The following SYNE1 variants were observed in gnomAD, a reference collection of about 807,000 sequenced individuals.
The protein encoded by SYNE1 is spectrin repeat containing nuclear envelope protein 1, also known as nesprin-1.
In SYNE1, 616 loss-of-function variants were observed where a neutral mutation model predicts 1,111.0. The observed-to-expected ratio is 0.55, with a 90% CI of 0.52 to 0.59. SYNE1 has a LOEUF of 0.59. Ranked by LOEUF, SYNE1 falls within the 20% of genes least tolerant of loss-of-function variation. The pLI is 0.00. For missense variants in SYNE1, 10,006 were observed against 10,417.0 expected, an observed-to-expected ratio of 0.96 and a Z score of 1.72; for synonymous variants, 3,855 against 3,825.8, an observed-to-expected ratio of 1.01 and a Z score of -0.28.
chr6:152,442,018 C>G, intron 31 of SYNE1, 57 bp downstream of exon 31: 2 of 1,605,078 alleles, frequency 1.2e-6, no homozygotes. Context: ...TGAGGCACAA[C>G]CGGAAGTGAA....
chr6:152,310,920 G>T lies in SYNE1; in HGVS notation c.16711-47C>A, dbSNP rs146205709. 8 of 1,576,136 alleles carry T rather than the reference G, an allele frequency of 5.1e-6. No homozygotes were observed. In the African/African-American group the frequency reaches 9.4e-5, roughly 19 times the overall value. On this transcript the variant is annotated intron_variant, in intron 87 of 145. Coordinates refer to ENST00000367255, the MANE Select transcript of SYNE1 (RefSeq NM_182961.4). ...CATGACATTGACGGGCAGGTAGAGGGATATAGATATTCAATATAGCTTGGC... is the reference window on the plus strand; with the variant it reads ...CATGACATTGACGGGCAGGTAGAGGTATATAGATATTCAATATAGCTTGGC...
chr6:152,463,244 C>A (rs983264215), intron 19 of SYNE1, 109 bp downstream of exon 19: 23 of 1,480,870 alleles, frequency 1.6e-5, no homozygotes, highest in Non-Finnish European at 2.2e-5. Context: ...CATATCTATG[C>A]TTTGCCTTAA....
rs772585776 is a variant in SYNE1 at position 152,284,152 on chromosome 6, G to A, written c.18033C>T (p.Leu6011=). The change falls in exon 96 of 146, where the codon CTC becomes CTT. Residue 6011 remains leucine (L), a synonymous_variant. Coordinates refer to ENST00000367255, the MANE Select transcript of SYNE1 (RefSeq NM_182961.4). ...AEHQALMDEI[L]MLQDEINELQ... ...GCTCATTGATTTCATCCTGGAGCAT[G>A]AGAATCTCATCCATCAATGCCTGGA... The A allele has an allele frequency of 1.2e-6, 2 of 1,614,148 alleles. No individual in the cohort carries two copies. The highest frequency in any genetic ancestry group is 1.7e-6 in the Non-Finnish European group (2 of 1,180,042).
intron 56 of SYNE1, among the ~76,000 whole-genome samples, chr6:152,378,347 C>T (rs1392534816): frequency 6.6e-6 from 1 of 152,140 alleles, no homozygotes; most frequent in African/African-American, 2.4e-5. Flanking sequence ...ACAAACCAGC[C>T]CTGTGCTTCA....
chr6:152,184,437 CA>C (rs199660419), intron 128 of SYNE1, among the ~76,000 whole-genome samples: 77,341 of 104,146 alleles, frequency 0.74, 27,605 homozygotes, highest in Middle Eastern at 0.89. Context: ...AACTCTGTTT[CA>C]AAAAAAAAAA....
intron 131 of SYNE1, among the ~76,000 whole-genome samples, chr6:152,163,216 G>A (rs931545277): frequency 1.3e-5 from 2 of 152,122 alleles, no homozygotes; most frequent in Non-Finnish European, 2.9e-5. Flanking sequence ...TAAATGAGGG[G>A]GCCTGGCACA....
chr6:152,331,148 G>C lies in SYNE1; in HGVS notation c.13537C>G (p.Leu4513Val), dbSNP rs762542391. 55 of 1,614,076 alleles carry C rather than the reference G, an allele frequency of 3.4e-5. No individual in the cohort carries two copies. The highest frequency in any genetic ancestry group is 4.6e-5 in the Non-Finnish European group (54 of 1,180,036). ...LKTYQNEVTG[L>V]WAQGRELMKE... Reference sequence around the variant, plus strand: ...ATTAGTTCGCGACCCTGGGCCCAAAGTCCAGTGACTTCATTTTGGTAAGTC... The same window carrying C: ...ATTAGTTCGCGACCCTGGGCCCAAACTCCAGTGACTTCATTTTGGTAAGTC... The change falls in exon 78 of 146, where the codon CTT (leucine) becomes GTT (valine). Residue 4513 changes from leucine (L) to valine (V), a missense_variant. Around this residue, in one of 7 missense-constraint regions of SYNE1, gnomAD observed 4,955 missense variants for 5,017.2 expected, o/e 0.99. Transcript: ENST00000367255.
At chr6:152,249,321 T>C in intron 104 of SYNE1, 59 bp from the exon 105 acceptor site, 1 of 928,444 alleles carries the variant, frequency 1.1e-6, no homozygotes, top group South Asian at 1.3e-5. Context: ...AAAATACTTG[T>C]AAATATAACA....
chr6:152,330,859 A>G lies in SYNE1; in HGVS notation c.13826T>C (p.Leu4609Pro). The change falls in exon 78 of 146, where the codon CTT becomes CCT. Residue 4609 changes from leucine (L) to proline (P), a missense_variant. By Grantham distance (98) the Leu-to-Pro change is moderately conservative. Transcript: ENST00000367255. ...HTQLAKYQNI[L>P]EQSPEYENLL... ...ATTTTCATATTCTGGAGATTGTTCA[A>G]GAATGTTTTGGTATTTAGCCAGTTG... is the stretch of plus-strand genomic sequence containing the variant. 6.2e-7 allele frequency: 1 copy of G among 1,614,200 alleles called. No individual in the cohort carries two copies. The highest frequency in any genetic ancestry group is 8.5e-7 in the Non-Finnish European group (1 of 1,180,046).
chr6:152,312,200 T>C lies in SYNE1; in HGVS notation c.16711-1327A>G, dbSNP rs577238275. 2.1e-5 allele frequency among the ~76,000 whole-genome samples: 3 copies of C among 140,644 alleles called. No individual in the cohort carries two copies. In the East Asian group the frequency reaches 6.6e-4, roughly 31 times the overall value. The allele number at this position is 140,644 out of a possible 152,430, so 92.3% of individuals were successfully genotyped here. The stretch of plus-strand genomic sequence containing the variant: ...ATATATGATATGTATTTATACAAGA[T>C]ATATTTATCTTTTTTTTTTTTTTTC... On this transcript the variant is annotated intron_variant, in intron 87 of 145. Coordinates refer to ENST00000367255, the MANE Select transcript of SYNE1 (RefSeq NM_182961.4).
intron 144 of SYNE1, 96 bp downstream of exon 144, chr6:152,132,026 G>T: frequency 1.8e-6 from 2 of 1,131,984 alleles, no homozygotes; most frequent in Non-Finnish European, 2.7e-6. Context: ...CCTCTGGAGG[G>T]GACGCCTGCC....
chr6:152,360,000 T>C (rs2096905014), intron 64 of SYNE1, among the ~76,000 whole-genome samples: 1 of 152,216 alleles, frequency 6.6e-6, no homozygotes, highest in South Asian at 2.1e-4. Flanking sequence ...CAGCCCAGGC[T>C]GCCCTCCTCT....
chr6:152,391,590 A>AAAAAAG (rs762264096), intron 51 of SYNE1, 22 bp from the exon 52 acceptor site: 8 of 1,556,678 alleles, frequency 5.1e-6, no homozygotes, highest in South Asian at 2.4e-5. Flanking sequence ...GAAAAAAAAA[A>AAAAAAG]AAAAGAAAAA....
At chr6:152,128,138 G>A (rs2054171728) in intron 145 of SYNE1, 1 of 152,180 alleles carries the variant, frequency 6.6e-6, no homozygotes, top group Non-Finnish European at 1.5e-5. Context: ...GTAGTGTTTT[G>A]AAGAATTAAT....
At chr6:152,616,037 A>G (rs2099645121) in intron 3 of SYNE1, among the ~76,000 whole-genome samples, 1 of 152,254 alleles carries the variant, frequency 6.6e-6, no homozygotes, top group South Asian at 2.1e-4. Flanking sequence ...CTAGTTTCTC[A>G]TCATGATTAT....
chr6:152,443,553 C>G (rs779110760), intron 30 of SYNE1, among the ~76,000 whole-genome samples: 1 of 152,152 alleles, frequency 6.6e-6, no homozygotes, highest in Admixed American at 6.5e-5. Flanking sequence ...CGTGAGCCAC[C>G]GTGCCCGGCC....
Position 152,525,171 on chromosome 6 carries a change from C to A in SYNE1, c.225+909G>T, listed in dbSNP as rs368942843. Among the ~76,000 whole-genome samples the A allele has an allele frequency of 1.2e-4, 18 of 152,226 alleles. 2 individuals are homozygous for A. The highest frequency in any genetic ancestry group is 1.0e-3 in the Admixed American group (16 of 15,282). ...TTACCAGTTTATGTTTTTCAACAAA[C>A]AACTCTTACAAAAGCTATTTGAGGG... On this transcript the variant is annotated intron_variant, in intron 5 of 145. Transcript: ENST00000367255.
intron 2 of SYNE1, 22 bp from the exon 3 acceptor site, chr6:152,628,576 G>A: frequency 3.8e-6 from 2 of 523,768 alleles, no homozygotes; most frequent in South Asian, 2.5e-5. Context: ...AAAAGAAAAG[G>A]TACAACATAA....
At chr6:152,463,842 CT>C (rs2098748625) in intron 18 of SYNE1, among the ~76,000 whole-genome samples, 1 of 152,078 alleles carries the variant, frequency 6.6e-6, no homozygotes. Context: ...AACCTTCAGG[CT>C]AGTAAATACC....
Sources: gnomAD v4.1 joint callset for allele counts (sites outside exome capture counted in the v4.1 genomes callset) on GRCh38, gnomAD v4.1.1 for gene constraint, gnomAD v4.1.1 regional missense constraint, MANE v1.5 for transcripts, NCBI Gene and HGNC (gene_info 2026-07-23, HGNC 2026-07-21) for gene names.